The following CHN2 variants were observed in gnomAD, a reference collection of about 807,000 sequenced individuals.
The protein encoded by CHN2 is beta-chimaerin.
CHN2 carries 35 observed loss-of-function variants against 56.3 expected under a neutral mutation model. The observed-to-expected ratio is 0.62, with a 90% CI of 0.47 to 0.82. CHN2 has a LOEUF of 0.82. Among genes scored for constraint, CHN2 ranks in the 40% least tolerant of loss-of-function variants. CHN2 has a pLI of 0.00. For synonymous variants in CHN2, 210 were observed against 212.8 expected, an observed-to-expected ratio of 0.99 and a Z score of 0.12; for missense variants, 491 against 580.5, an observed-to-expected ratio of 0.85 and a Z score of 1.58.
intron 3 of CHN2, among the ~76,000 whole-genome samples, chr7:29,392,046 A>G (rs1801409855): frequency 6.6e-6 from 1 of 152,230 alleles, no homozygotes; most frequent in Non-Finnish European, 1.5e-5. Flanking sequence ...CAGATTTTGC[A>G]AACTTGTGCT....
At chr7:29,168,354 C>A (rs2128721243) in intron 2 of CHN2, among the ~76,000 whole-genome samples, 1 of 152,068 alleles carries the variant, frequency 6.6e-6, no homozygotes, top group African/African-American at 2.4e-5. Flanking sequence ...TTTGGTTTTT[C>A]TTTTAATGGT....
In CHN2 at chr7:29,496,008, G is replaced by C. The variant is rs750321287; in HGVS notation, c.711G>C (p.Gly237=). ...AATATTGTGCCAATTTCATGTGGGGGCTCATCGCCCAAGGGGTCCGGTGCT... is the reference window on the plus strand; with the variant it reads ...AATATTGTGCCAATTTCATGTGGGGCCTCATCGCCCAAGGGGTCCGGTGCT... ...WCEYCANFMW[G]LIAQGVRCSD... Residue 237 remains glycine, a synonymous_variant, in exon 8 of 13, where the codon GGG becomes GGC. Transcript: ENST00000222792. The C allele has an allele frequency of 6.2e-7, 1 of 1,612,274 alleles. No homozygotes were observed. Among genetic ancestry groups the C allele is most frequent in the African/African-American group, 1.3e-5 (1 of 74,740 alleles).
intron 4 of CHN2, among the ~76,000 whole-genome samples, chr7:29,395,117 T>A (rs1801646008): frequency 6.6e-6 from 1 of 152,238 alleles, no homozygotes; most frequent in Admixed American, 6.5e-5. Context: ...CAAGAAACTA[T>A]TGACAATGGA....
intron 1 of CHN2, among the ~76,000 whole-genome samples, chr7:29,348,079 T>C (rs1350100559): frequency 7.1e-6 from 1 of 141,378 alleles, no homozygotes; most frequent in Non-Finnish European, 1.6e-5. Flanking sequence ...AGCAATGGTG[T>C]ATTACTTTAA....
At chr7:29,473,720 A>T (rs1469058422) in intron 6 of CHN2, among the ~76,000 whole-genome samples, 1 of 152,034 alleles carries the variant, frequency 6.6e-6, no homozygotes, top group Non-Finnish European at 1.5e-5. Flanking sequence ...GCCTGCAGGT[A>T]TAAGGCAGGA....
At chr7:29,500,327 A>C (rs1789830186) in intron 9 of CHN2, among the ~76,000 whole-genome samples, 1 of 152,206 alleles carries the variant, frequency 6.6e-6, no homozygotes, top group African/African-American at 2.4e-5. Flanking sequence ...TCTCACCTTC[A>C]AGAAATTCAT....
intron 6 of CHN2, among the ~76,000 whole-genome samples, chr7:29,439,713 A>G (rs79859330): frequency 0.055 from 8,412 of 152,248 alleles, 406 homozygotes; most frequent in East Asian, 0.27. Context: ...ATGGTCCAGA[A>G]TGGTTCTTGG....
chr7:29,332,804 G>C (rs568581873), intron 1 of CHN2: 1 of 152,124 alleles, frequency 6.6e-6, no homozygotes, highest in African/African-American at 2.4e-5. Context: ...GTGTTTGGTA[G>C]GTTAGGTTTA....
At chr7:29,354,258 T>C (rs1001053649) in intron 1 of CHN2, among the ~76,000 whole-genome samples, 6 of 152,232 alleles carry the variant, frequency 3.9e-5, no homozygotes, top group African/African-American at 1.4e-4. Context: ...AAAGGTCTGA[T>C]TGGAAACTGT....
chr7:29,451,101 G>A (rs1784373465), intron 6 of CHN2, among the ~76,000 whole-genome samples: 1 of 152,118 alleles, frequency 6.6e-6, no homozygotes, highest in South Asian at 2.1e-4. Context: ...AAATAAGAAA[G>A]AGAGAGAAAC....
At chr7:29,510,494 C>A (rs767927694) in intron 12 of CHN2, among the ~76,000 whole-genome samples, 5 of 152,166 alleles carry the variant, frequency 3.3e-5, no homozygotes, top group Non-Finnish European at 7.3e-5. Context: ...CATCTCCAAG[C>A]CCACTCACAT....
At chr7:29,278,914 G>A (rs1269153284) in intron 1 of CHN2, among the ~76,000 whole-genome samples, 1 of 152,086 alleles carries the variant, frequency 6.6e-6, no homozygotes, top group Non-Finnish European at 1.5e-5. Context: ...AAAGAAGACT[G>A]CCCTTCATGA....
chr7:29,297,481 T>C (rs955423857), intron 1 of CHN2, among the ~76,000 whole-genome samples: 4 of 152,170 alleles, frequency 2.6e-5, no homozygotes, highest in African/African-American at 9.7e-5. Flanking sequence ...GGCCATCAGC[T>C]GAGGCTCTGG....
chr7:29,277,043 A>C lies in CHN2; in HGVS notation c.50-77582A>C, dbSNP rs143582182. Reference sequence around the variant, plus strand: ...TAGTGGGTTACCACATGTTGCCAGGATTCATAAGAACACTTCACTGATCAT... The same window carrying C: ...TAGTGGGTTACCACATGTTGCCAGGCTTCATAAGAACACTTCACTGATCAT... On this transcript the variant is annotated intron_variant, in intron 1 of 12. Transcript: ENST00000222792. 4.2e-3 allele frequency among the ~76,000 whole-genome samples: 644 copies of C among 152,248 alleles called. 4 individuals are homozygous for C. The highest frequency in any genetic ancestry group is 0.015 in the African/African-American group (617 of 41,528).
chr7:29,352,957 A>G (rs1332180866), intron 1 of CHN2, among the ~76,000 whole-genome samples: 2 of 152,216 alleles, frequency 1.3e-5, no homozygotes, highest in African/African-American at 4.8e-5. Context: ...AAGCCTTGCT[A>G]TTATAAGACA....
In CHN2 at chr7:29,411,172, C is replaced by G. The variant is rs866891897; in HGVS notation, c.576+10344C>G. Among the ~76,000 whole-genome samples the G allele has an allele frequency of 4.6e-5, 7 of 152,264 alleles. 1 individual carries two copies. The South Asian group carries it at 1.5e-3, about 32-fold the overall frequency. ...TCATCAGGAAACAGTTCTGCAGGTG[C>G]AATTCTGATATATATGGCCAATGAG... is the stretch of plus-strand genomic sequence containing the variant. On this transcript the variant is annotated intron_variant, in intron 6 of 12. Transcript: ENST00000222792.
intron 6 of CHN2, among the ~76,000 whole-genome samples, chr7:29,478,631 T>C (rs3793254): frequency 0.25 from 37,825 of 152,092 alleles, 5,477 homozygotes; most frequent in East Asian, 0.4. Context: ...CCACTTAAAC[T>C]AGGCTGCATG....
upstream of CHN2, chr7:29,191,910 T>G (rs75345534): frequency 1.3e-5 from 2 of 152,246 alleles, no homozygotes; most frequent in East Asian, 3.8e-4. Context: ...CCTGATAACT[T>G]ACTGATACTA....
chr7:29,197,843 T>A (rs180713116), intron 1 of CHN2: 1 of 449,138 alleles, frequency 2.2e-6, no homozygotes, highest in African/African-American at 2.0e-5. Context: ...AGGAGAGGAA[T>A]TGACTTAGTC....
Sources: gnomAD v4.1 joint callset for allele counts (sites outside exome capture counted in the v4.1 genomes callset) on GRCh38, gnomAD v4.1.1 for gene constraint, MANE v1.5 for transcripts, NCBI Gene and HGNC (gene_info 2026-07-23, HGNC 2026-07-21) for gene names.